Variants in TCF4 observed in about 807,000 individuals in gnomAD.
TCF4 encodes SL3-3 enhancer factor 2.
In TCF4, 3 loss-of-function variants were observed where a neutral mutation model predicts 82.1. The observed-to-expected ratio is 0.04, with a 90% CI of 0.02 to 0.09. TCF4 has a LOEUF of 0.09. Among genes scored for constraint, TCF4 ranks in the 10% least tolerant of loss-of-function variants. TCF4 has a pLI of 1.00. For synonymous variants in TCF4, 276 were observed against 309.6 expected, an observed-to-expected ratio of 0.89 and a Z score of 1.14; for missense variants, 518 against 852.7, an observed-to-expected ratio of 0.61 and a Z score of 4.89.
chr18:55,375,919 G>A (rs1184046556), intron 6 of TCF4, among the ~76,000 whole-genome samples: 3 of 151,426 alleles, frequency 2.0e-5, no homozygotes, highest in Non-Finnish European at 4.4e-5. Flanking sequence ...CTAAGGCAAT[G>A]ATCTCCAGAT....
At chr18:55,235,654 G>C (rs7237259) in intron 15 of TCF4, among the ~76,000 whole-genome samples, 17,260 of 152,222 alleles carry the variant, frequency 0.11, 1,123 homozygotes, top group African/African-American at 0.15. Flanking sequence ...GCGAAAACAT[G>C]AAGCATTTGT....
chr18:55,414,103 G>A (rs1167202457), intron 5 of TCF4, among the ~76,000 whole-genome samples: 1 of 152,180 alleles, frequency 6.6e-6, no homozygotes, highest in Admixed American at 6.6e-5. Context: ...TGAAGACAAG[G>A]TGGTAACAGG....
At position 55,507,008 on chromosome 18, in the gene TCF4, G is replaced by A. The variant is rs565000288; in HGVS notation, c.146-42871C>T. Among the ~76,000 whole-genome samples, 8 of 151,852 alleles carry A rather than the reference G, an allele frequency of 5.3e-5. No individual in the cohort carries two copies. In the East Asian group the frequency reaches 9.7e-4, roughly 18 times the overall value. On this transcript the variant is annotated intron_variant, in intron 3 of 19. Transcript: ENST00000354452. ...CTCCCAAGTAGCTGGGATTACAGGCGTCCACCACCACGTCTGGCTAATTTT... is the reference window on the plus strand; with the variant it reads ...CTCCCAAGTAGCTGGGATTACAGGCATCCACCACCACGTCTGGCTAATTTT...
At chr18:55,332,030 C>T (rs1377159970) in intron 8 of TCF4, 1 of 152,152 alleles carries the variant, frequency 6.6e-6, no homozygotes, top group African/African-American at 2.4e-5. Flanking sequence ...AGAGGTGATA[C>T]TGTTATGCCA....
chr18:55,606,789 G>C (rs2097702586), intron 2 of TCF4, among the ~76,000 whole-genome samples: 1 of 152,158 alleles, frequency 6.6e-6, no homozygotes, highest in African/African-American at 2.4e-5. Context: ...CAATTGAAAT[G>C]ATGGAGAATA....
chr18:55,618,850 G>A (rs2097714841), intron 2 of TCF4, among the ~76,000 whole-genome samples: 1 of 151,730 alleles, frequency 6.6e-6, no homozygotes. Context: ...ACTTCCTAAA[G>A]TGCTGGGTTT....
intron 8 of TCF4, among the ~76,000 whole-genome samples, chr18:55,342,611 G>A (rs1477317557): frequency 2.6e-5 from 4 of 152,076 alleles, no homozygotes; most frequent in Non-Finnish European, 5.9e-5. Context: ...TAGTAGTAAC[G>A]CAAAATGAGC....
At chr18:55,509,103 A>G (rs1423026973) in intron 3 of TCF4, among the ~76,000 whole-genome samples, 2 of 152,162 alleles carry the variant, frequency 1.3e-5, no homozygotes, top group Non-Finnish European at 2.9e-5. Flanking sequence ...ATTAATTGGA[A>G]TTTAAATATA....
intron 6 of TCF4, among the ~76,000 whole-genome samples, chr18:55,364,171 T>A (rs2086225074): frequency 6.6e-6 from 1 of 152,180 alleles, no homozygotes; most frequent in African/African-American, 2.4e-5. Flanking sequence ...AGCATATGCC[T>A]TCTGACTTAG....
intron 3 of TCF4, among the ~76,000 whole-genome samples, chr18:55,466,360 G>A (rs934110206): frequency 3.3e-5 from 5 of 152,104 alleles, no homozygotes; most frequent in Non-Finnish European, 7.4e-5. Context: ...GCCAAGTGTG[G>A]TGGAACTTGC....
chr18:55,509,365 A>C (rs996827064), intron 3 of TCF4, among the ~76,000 whole-genome samples: 4 of 152,028 alleles, frequency 2.6e-5, no homozygotes, highest in East Asian at 1.9e-4. Context: ...AAACACTCAA[A>C]CACCACCACC....
At chr18:55,524,734 G>A (rs1184484683) in intron 3 of TCF4, among the ~76,000 whole-genome samples, 1 of 152,134 alleles carries the variant, frequency 6.6e-6, no homozygotes, top group Non-Finnish European at 1.5e-5. Context: ...CACTACTGTG[G>A]TGGTCATTTG....
In TCF4 at chr18:55,461,075, C is replaced by T; in HGVS notation, c.248G>A (p.Arg83Lys). Residue 83 changes from arginine (R) to lysine (K), a missense_variant, in exon 5 of 20, where the codon AGG becomes AAG. Arg to Lys is a conservative substitution (Grantham distance 26, BLOSUM62 2). Coordinates refer to ENST00000354452, the MANE Select transcript of TCF4 (RefSeq NM_001083962.2). Reference sequence around the variant, plus strand: ...GAGATTGTCATGTGACCCAAGGTCCCTGCTGGTCATGTGGTCATAGGGAGT... The same window carrying T: ...GAGATTGTCATGTGACCCAAGGTCCTTGCTGGTCATGTGGTCATAGGGAGT... ...DGTPYDHMTSRDLGSHDNLSP... is the reference protein window; with the variant it reads ...DGTPYDHMTSKDLGSHDNLSP... 6.2e-7 allele frequency: 1 copy of T among 1,613,314 alleles called. No homozygotes were observed. Among genetic ancestry groups the T allele is most frequent in the Non-Finnish European group, 8.5e-7 (1 of 1,179,532 alleles).
intron 3 of TCF4, chr18:55,551,777 T>C (rs1277095827): frequency 3.9e-5 from 6 of 152,202 alleles, no homozygotes; most frequent in Non-Finnish European, 7.3e-5. Context: ...GAAAATAAGA[T>C]GAAGGAAATA....
At chr18:55,634,562 A>G (rs1177496415) in intron 1 of TCF4, among the ~76,000 whole-genome samples, 1 of 152,180 alleles carries the variant, frequency 6.6e-6, no homozygotes, top group East Asian at 1.9e-4. Context: ...AGGTGCAAGC[A>G]TGGTCAGAAA....
At chr18:55,546,399 A>C (rs2097207817) in intron 3 of TCF4, among the ~76,000 whole-genome samples, 1 of 152,164 alleles carries the variant, frequency 6.6e-6, no homozygotes, top group Non-Finnish European at 1.5e-5. Context: ...AATAATTATG[A>C]ATTAAATATT....
chr18:55,354,142 C>A (rs1411664651), intron 6 of TCF4, among the ~76,000 whole-genome samples: 2 of 152,126 alleles, frequency 1.3e-5, no homozygotes, highest in Non-Finnish European at 1.5e-5. Flanking sequence ...TTACTCGCTC[C>A]TAATTTTTTT....
intron 5 of TCF4, among the ~76,000 whole-genome samples, chr18:55,415,442 A>C (rs1345363750): frequency 6.6e-6 from 1 of 152,216 alleles, no homozygotes; most frequent in Admixed American, 6.5e-5. Context: ...CACACCAGTC[A>C]GTTCCTATGT....
At chr18:55,426,473 G>A (rs866063589) in intron 5 of TCF4, among the ~76,000 whole-genome samples, 2 of 152,192 alleles carry the variant, frequency 1.3e-5, no homozygotes, top group African/African-American at 4.8e-5. Context: ...ACATCCTTGA[G>A]AGCAACTGCA....
Sources: allele counts gnomAD v4.1 joint callset (sites outside exome capture counted in the v4.1 genomes callset), GRCh38; gene constraint gnomAD v4.1.1; transcripts MANE v1.5; gene names NCBI Gene and HGNC (gene_info 2026-07-23, HGNC 2026-07-21).